PTGER3: variants seen among roughly 807,000 people sequenced by gnomAD.
PTGER3 encodes the protein prostaglandin E2 receptor EP3 subtype.
A neutral mutation model predicts 34.7 loss-of-function variants in PTGER3; 22 were observed. The observed-to-expected ratio is 0.63, with a 90% CI of 0.45 to 0.91. The LOEUF (loss-of-function observed/expected upper bound fraction) is 0.91. Among genes scored for constraint, PTGER3 ranks in the 40% least tolerant of loss-of-function variants. The pLI, the probability that PTGER3 is intolerant of heterozygous loss-of-function variation, is 0.00. For synonymous variants in PTGER3, 241 were observed against 230.1 expected, an observed-to-expected ratio of 1.05 and a Z score of -0.43; for missense variants, 468 against 519.4, an observed-to-expected ratio of 0.90 and a Z score of 0.96.
chr1:70,967,351 G>A (rs1240759435), downstream of PTGER3, among the ~76,000 whole-genome samples: 3 of 151,504 alleles, frequency 2.0e-5, no homozygotes, highest in Non-Finnish European at 2.9e-5. Context: ...ACTCTGCTAG[G>A]CTCTATAGGT....
intron 4 of PTGER3, among the ~76,000 whole-genome samples, chr1:70,944,643 A>G (rs1259703267): frequency 6.6e-6 from 1 of 152,140 alleles, no homozygotes; most frequent in Non-Finnish European, 1.5e-5. Flanking sequence ...AAGTTTTATT[A>G]TGTATACCTA....
chr1:70,988,166 A>T (rs1050616193), intron 2 of PTGER3, among the ~76,000 whole-genome samples: 13 of 152,218 alleles, frequency 8.5e-5, no homozygotes, highest in African/African-American at 3.1e-4. Flanking sequence ...ACAGCAAATT[A>T]CTTATCATTC....
At chr1:70,975,358 C>T (rs113669848) in intron 2 of PTGER3, among the ~76,000 whole-genome samples, 7 of 141,822 alleles carry the variant, frequency 4.9e-5, no homozygotes, top group East Asian at 4.1e-4. Context: ...AGCAGAAAAA[C>T]GATTCCTTTT....
chr1:70,922,260 G>A (rs896279184), intron 4 of PTGER3, among the ~76,000 whole-genome samples: 1 of 152,136 alleles, frequency 6.6e-6, no homozygotes, highest in Non-Finnish European at 1.5e-5. Context: ...GATCTTCTAT[G>A]GTAAATTCTT....
chr1:70,908,579 A>T (rs1303643976), intron 4 of PTGER3, among the ~76,000 whole-genome samples: 3 of 152,118 alleles, frequency 2.0e-5, no homozygotes, highest in African/African-American at 7.2e-5. Context: ...TCACTTTCCC[A>T]TTCCCCTGTT....
chr1:70,903,317 A>T (rs1390914882), intron 4 of PTGER3, among the ~76,000 whole-genome samples: 1 of 152,194 alleles, frequency 6.6e-6, no homozygotes, highest in Non-Finnish European at 1.5e-5. Flanking sequence ...TAAGTCATCA[A>T]AGTTATGGTA....
chr1:70,852,467 A>T (rs12023582), exon 5 of PTGER3: 5,682 of 208,592 alleles, frequency 0.027, 410 homozygotes, highest in East Asian at 0.2. Flanking sequence ...GCTTTATTCA[A>T]ATTATGGAAT....
At chr1:70,913,775 G>T (rs577209397) in intron 4 of PTGER3, among the ~76,000 whole-genome samples, 9 of 151,776 alleles carry the variant, frequency 5.9e-5, no homozygotes, top group Admixed American at 1.3e-4. Context: ...ATATGATGAA[G>T]TACCTTGATT....
At chr1:70,876,981 A>G (rs937617476) in intron 4 of PTGER3, among the ~76,000 whole-genome samples, 1 of 152,138 alleles carries the variant, frequency 6.6e-6, no homozygotes, top group Non-Finnish European at 1.5e-5. Context: ...ATTTTTTCCA[A>G]TTCTGTGAAG....
intron 4 of PTGER3, among the ~76,000 whole-genome samples, chr1:70,943,070 C>T (rs1382487889): frequency 6.6e-6 from 1 of 152,034 alleles, no homozygotes; most frequent in Admixed American, 6.6e-5. Context: ...CTGAGCATAC[C>T]CCATTTATCA....
intron 4 of PTGER3, among the ~76,000 whole-genome samples, chr1:70,866,869 T>C (rs562394616): frequency 3.9e-5 from 6 of 152,338 alleles, no homozygotes; most frequent in Non-Finnish European, 4.4e-5. Context: ...TACTTCTGGA[T>C]CAGCTTCTCT....
intron 2 of PTGER3, chr1:71,010,907 C>T (rs1657383901): frequency 1.0e-6 from 1 of 984,808 alleles, no homozygotes; most frequent in Non-Finnish European, 1.2e-6. Context: ...CAGAAATATG[C>T]AGTTACTACA....
intron 4 of PTGER3, among the ~76,000 whole-genome samples, chr1:70,888,813 C>T (rs1161367665): frequency 6.6e-6 from 1 of 151,956 alleles, no homozygotes; most frequent in Non-Finnish European, 1.5e-5. Context: ...TGTTGTTTAG[C>T]CATAGATTTG....
intron 4 of PTGER3, among the ~76,000 whole-genome samples, chr1:70,926,011 G>C (rs7538034): frequency 6.6e-6 from 1 of 151,998 alleles, no homozygotes; most frequent in East Asian, 1.9e-4. Context: ...TTAGGCAAAG[G>C]ATGTCACTGA....
chr1:71,012,526 G>T, intron 1 of PTGER3, 42 bp from the exon 2 acceptor site: 1 of 1,540,610 alleles, frequency 6.5e-7, no homozygotes, highest in Non-Finnish European at 8.9e-7. Context: ...GATTAGTAAG[G>T]TCATATGCAT....
intron 1 of PTGER3, among the ~76,000 whole-genome samples, chr1:71,017,892 G>A (rs1212058025): frequency 6.6e-6 from 1 of 152,166 alleles, no homozygotes; most frequent in Non-Finnish European, 1.5e-5. Context: ...AGACTCCCAA[G>A]TAGCTGGGAT....
At chr1:70,855,756 C>T (rs906552581) in intron 4 of PTGER3, among the ~76,000 whole-genome samples, 1 of 152,056 alleles carries the variant, frequency 6.6e-6, no homozygotes, top group Non-Finnish European at 1.5e-5. Context: ...AAAGTAATAG[C>T]AGTAGCCAAC....
chr1:70,955,053 CAT>C (rs1404518577), intron 2 of PTGER3, among the ~76,000 whole-genome samples: 1 of 152,090 alleles, frequency 6.6e-6, no homozygotes, highest in Non-Finnish European at 1.5e-5. Flanking sequence ...TTATGGCTAA[CAT>C]AATTTCTAAC....
chr1:70,916,127 G>GA (rs1418955557), intron 4 of PTGER3, among the ~76,000 whole-genome samples: 2 of 151,918 alleles, frequency 1.3e-5, no homozygotes, highest in Admixed American at 6.6e-5. Flanking sequence ...ACAAACATAT[G>GA]AAAAAATGCT....
Sources: allele counts gnomAD v4.1 joint callset (sites outside exome capture counted in the v4.1 genomes callset), GRCh38; gene constraint gnomAD v4.1.1; transcripts MANE v1.5; gene names NCBI Gene and HGNC (gene_info 2026-07-23, HGNC 2026-07-21).